Variants in SF3A1 observed in about 807,000 individuals in gnomAD.
The protein encoded by SF3A1 is SAP 114.
SF3A1 carries 13 observed loss-of-function variants against 89.9 expected under a neutral mutation model. The ratio of observed to expected loss-of-function variants is 0.14; its 90% confidence interval spans 0.09 to 0.23. The LOEUF (loss-of-function observed/expected upper bound fraction) is 0.23. Ranked by LOEUF, SF3A1 falls within the 10% of genes least tolerant of loss-of-function variation. SF3A1 has a pLI of 1.00. For synonymous variants in SF3A1, 405 were observed against 374.4 expected (o/e 1.08, Z -0.94); for missense variants, 604 against 1,022.1 (o/e 0.59, Z 5.58).
At chr22:30,343,623 T>C (rs1437934835) in intron 4 of SF3A1, among the ~76,000 whole-genome samples, 3 of 152,302 alleles carry the variant, frequency 2.0e-5, no homozygotes, top group Non-Finnish European at 4.4e-5. Context: ...CAAGTTACAG[T>C]GGTAAATGCC....
intron 5 of SF3A1, 126 bp from the exon 6 acceptor site, chr22:30,342,476 A>T: frequency 2.7e-6 from 3 of 1,105,470 alleles, no homozygotes; most frequent in Non-Finnish European, 3.8e-6. Context: ...ATGGTTCCAA[A>T]CTATGGCATT....
Position 30,355,821 on chromosome 22 carries a change from C to CT in SF3A1, c.63+908_63+909insA, listed in dbSNP as rs1168434260. Among the ~76,000 whole-genome samples the CT allele has an allele frequency of 3.6e-5, 4 of 111,284 alleles. 1 individual carries two copies. The highest frequency in any genetic ancestry group is 3.9e-4 in the South Asian group (1 of 2,554). The allele number at this position is 111,284 out of a possible 152,430, so 73.0% of individuals were successfully genotyped here. On this transcript the variant is annotated intron_variant, in intron 1 of 15. Transcript: ENST00000215793. ...ATGGCTTCTTCAGTCATGTTCCCCC[C>CT]CCCCGCCCCCCTTATTCTGAACCCA...
chr22:30,353,675 C>T (rs1931669562), intron 1 of SF3A1, among the ~76,000 whole-genome samples: 1 of 152,122 alleles, frequency 6.6e-6, no homozygotes, highest in Non-Finnish European at 1.5e-5. Flanking sequence ...TCACATAGAC[C>T]TTTAGAGTTG....
intron 1 of SF3A1, chr22:30,356,522 C>T: frequency 2.5e-6 from 1 of 405,886 alleles, no homozygotes; most frequent in South Asian, 1.0e-4. Flanking sequence ...CTCGTGCCGA[C>T]GGGGCTGCTC....
intron 2 of SF3A1, among the ~76,000 whole-genome samples, chr22:30,349,182 C>A (rs1447689045): frequency 1.3e-5 from 2 of 152,224 alleles, no homozygotes; most frequent in African/African-American, 4.8e-5. Context: ...CATAAATATA[C>A]GTGAACCCAG....
chr22:30,347,056 A>G (rs1054439782), intron 2 of SF3A1, among the ~76,000 whole-genome samples: 1 of 152,216 alleles, frequency 6.6e-6, no homozygotes, highest in Non-Finnish European at 1.5e-5. Flanking sequence ...TCCTCTGAGT[A>G]ACAAGAAAGA....
chr22:30,342,922 C>A (rs376726241), intron 4 of SF3A1, 43 bp from the exon 5 acceptor site: 2 of 1,336,660 alleles, frequency 1.5e-6, no homozygotes, highest in South Asian at 2.3e-5. Context: ...TGCTTTACAA[C>A]GCAGTACAAA....
At chr22:30,338,721 A>G (rs1195992835) in intron 11 of SF3A1, 68 bp downstream of exon 11, 3 of 1,603,806 alleles carry the variant, frequency 1.9e-6, no homozygotes, top group South Asian at 1.1e-5. Flanking sequence ...TGCACTTCTC[A>G]GCCAACAGTG....
intron 15 of SF3A1, among the ~76,000 whole-genome samples, 171 bp downstream of exon 15, chr22:30,335,296 G>C (rs1293886590): frequency 2.6e-5 from 4 of 152,062 alleles, no homozygotes; most frequent in Non-Finnish European, 4.4e-5. Context: ...TTGCATTGTT[G>C]GGCACACCTG....
Position 30,332,217 on chromosome 22 carries a change from A to G in SF3A1, c.*2377T>C, listed in dbSNP as rs775063691. ...AATACAATATTATTAATTTTAAAGT[A>G]AAATGGTTCTGATCATTACTGGCCT... On this transcript the variant is annotated 3_prime_UTR_variant, in exon 16 of 16. Transcript: ENST00000215793. 5.3e-5 allele frequency: 8 copies of G among 152,244 alleles called. No individual in the cohort carries two copies. The highest frequency in any genetic ancestry group is 1.0e-4 in the Non-Finnish European group (7 of 68,054). 9.4% of individuals were successfully genotyped at this position (152,244 alleles called of 1,614,324 possible).
intron 12 of SF3A1, 142 bp from the exon 13 acceptor site, chr22:30,337,322 C>T (rs973988565): frequency 1.2e-6 from 1 of 825,340 alleles, no homozygotes; most frequent in South Asian, 1.8e-5. Flanking sequence ...GTCTGGCAGC[C>T]AGCAGGTTCC....
chr22:30,335,696 G>T lies in SF3A1; in HGVS notation c.2164C>A (p.Leu722Met). ...GTGAAGACCAGCACCTGCCCATTCA[G>T]TTTCCATTCCGTCTTATCCTGCATG... ...PNMQDKTEWK[L>M]NGQVLVFTLP... Residue 722 changes from leucine to methionine, a missense_variant, in exon 14 of 16, where the codon CTG becomes ATG. Leu to Met is a conservative substitution (Grantham distance 15, BLOSUM62 2). Transcript: ENST00000215793. 1 of 1,614,238 alleles carries T rather than the reference G, an allele frequency of 6.2e-7. No individual in the cohort carries two copies. Among genetic ancestry groups the T allele is most frequent in the Non-Finnish European group, 8.5e-7 (1 of 1,180,046 alleles).
rs1300384578 is a variant in SF3A1 at position 30,332,522 on chromosome 22, G to A, written c.*2072C>T. 1.3e-5 allele frequency: 2 copies of A among 152,210 alleles called. No homozygotes were observed. Among genetic ancestry groups the A allele is most frequent in the East Asian group, 1.9e-4 (1 of 5,202 alleles). 9.4% of individuals were successfully genotyped at this position (152,210 alleles called of 1,614,324 possible). On this transcript the variant is annotated 3_prime_UTR_variant, in exon 16 of 16. Coordinates refer to ENST00000215793, the MANE Select transcript of SF3A1 (RefSeq NM_005877.6). ...TACATGACCTTGGGTATTCCACCTC[G>A]TTTTAAAAATGGGGCAGATAATCCT...
intron 13 of SF3A1, among the ~76,000 whole-genome samples, chr22:30,336,506 G>A (rs1240122571): frequency 6.6e-6 from 1 of 152,184 alleles, no homozygotes; most frequent in Non-Finnish European, 1.5e-5. Flanking sequence ...CATTGGGGGA[G>A]CAGAGGCCGG....
Position 30,335,291 on chromosome 22 carries a change from T to C in SF3A1, c.2280+176A>G, listed in dbSNP as rs878954066. ...ACTGTGACCCCACCAGAGCCTTGCA[T>C]TGTTGGGCACACCTGCCCCAACACT... On this transcript the variant is annotated intron_variant, in intron 15 of 15. Transcript: ENST00000215793. Among the ~76,000 whole-genome samples, 10 of 152,254 alleles carry C rather than the reference T, an allele frequency of 6.6e-5. No homozygotes were observed. The South Asian group carries it at 1.9e-3, about 28-fold the overall frequency.
chr22:30,346,434 G>A lies in SF3A1; in HGVS notation c.271C>T (p.His91Tyr), dbSNP rs1378484156. The A allele has an allele frequency of 1.9e-6, 3 of 1,613,974 alleles. No individual in the cohort carries two copies. Among genetic ancestry groups the A allele is most frequent in the East Asian group, 4.5e-5 (2 of 44,896 alleles). The change falls in exon 3 of 16, where the codon CAT becomes TAT. Residue 91 changes from histidine (H) to tyrosine (Y), a missense_variant. By Grantham distance (83) the His-to-Tyr change is moderately conservative. Around this residue, in one of 9 missense-constraint regions of SF3A1, gnomAD observed 162 missense variants for 229.2 expected, o/e 0.71. Coordinates refer to ENST00000215793, the MANE Select transcript of SF3A1 (RefSeq NM_005877.6). ...FNFLNPNDPY[H>Y]AYYRHKVSEF... ...CTGACCTTGTGGCGGTAGTAGGCAT[G>A]GTAAGGGTCATTGGGGTTCAGAAAG... is the stretch of plus-strand genomic sequence containing the variant.
At chr22:30,352,138 AG>A (rs1569175560) in intron 2 of SF3A1, among the ~76,000 whole-genome samples, 1 of 133,614 alleles carries the variant, frequency 7.5e-6, no homozygotes, top group Non-Finnish European at 1.6e-5. Context: ...ATGGAACTGT[AG>A]GAAGAGAGAG....
intron 13 of SF3A1, among the ~76,000 whole-genome samples, chr22:30,336,002 T>C (rs1271052762): frequency 6.6e-6 from 1 of 152,200 alleles, no homozygotes. Context: ...TGAAGAACTT[T>C]AGTGAAAATA....
rs775874396 is a variant in SF3A1 at position 30,337,881 on chromosome 22, C to T, written c.1760G>A (p.Arg587His). ...PRPPTMPPPVRTTVVSAVPVM... is the reference protein window; with the variant it reads ...PRPPTMPPPVHTTVVSAVPVM... ...GGGTACTGCGGAGACAACTGTAGTA[C>T]GAACTGGAGGTGGCATCTGTGCAGG... The change falls in exon 12 of 16, where the codon CGT (arginine) becomes CAT (histidine). Residue 587 changes from arginine (R) to histidine (H), a missense_variant. Coordinates refer to ENST00000215793, the MANE Select transcript of SF3A1 (RefSeq NM_005877.6). 8 of 1,605,870 alleles carry T rather than the reference C, an allele frequency of 5.0e-6. No homozygotes were observed. Among genetic ancestry groups the T allele is most frequent in the East Asian group, 2.2e-5 (1 of 44,588 alleles).
Sources: allele counts gnomAD v4.1 joint callset (sites outside exome capture counted in the v4.1 genomes callset), GRCh38; gene constraint gnomAD v4.1.1; regional missense constraint gnomAD v4.1.1; transcripts MANE v1.5; gene names NCBI Gene and HGNC (gene_info 2026-07-23, HGNC 2026-07-21).